TOM1: variants seen among roughly 807,000 people sequenced by gnomAD.
The protein encoded by TOM1 is target of myb1 membrane trafficking protein.
In TOM1, 38 loss-of-function variants were observed where a neutral mutation model predicts 61.3. The observed-to-expected ratio is 0.62, with a 90% CI of 0.48 to 0.81. TOM1 has a LOEUF of 0.81. Among genes scored for constraint, TOM1 ranks in the 40% least tolerant of loss-of-function variants. The pLI is 0.00. For missense variants in TOM1, 591 were observed against 659.6 expected, an observed-to-expected ratio of 0.90 and a Z score of 1.14; for synonymous variants, 270 against 268.8, an observed-to-expected ratio of 1.00 and a Z score of -0.04.
rs765762993 is a variant in TOM1, at chr22:35,338,766, C to T, written c.1202C>T (p.Ala401Val). 15 of 1,601,438 alleles carry T rather than the reference C, an allele frequency of 9.4e-6. No individual in the cohort carries two copies. In the Admixed American group the frequency reaches 1.2e-4, roughly 13 times the overall value. ...ATDGLAGALDARQQSTGAIPV... is the reference protein window; with the variant it reads ...ATDGLAGALDVRQQSTGAIPV... ...GACGGCCTGGCTGGAGCCCTGGACG[C>T]CCGGCAGCAGAGCACTGGCGCGGTA... Residue 401 changes from alanine (A) to valine (V), a missense_variant, in exon 12 of 15, where the codon GCC becomes GTC. Physicochemically the swap from Ala to Val is moderately conservative, Grantham distance 64 (BLOSUM62 0). Coordinates refer to ENST00000449058, the MANE Select transcript of TOM1 (RefSeq NM_005488.3).
chr22:35,321,236 G>A (rs1040282355), intron 2 of TOM1, among the ~76,000 whole-genome samples: 8 of 152,044 alleles, frequency 5.3e-5, no homozygotes, highest in African/African-American at 1.9e-4. Context: ...TTAAACTTGA[G>A]CATGCATAAG....
At chr22:35,315,604 TG>T (rs1326229268) in intron 1 of TOM1, among the ~76,000 whole-genome samples, 2 of 152,176 alleles carry the variant, frequency 1.3e-5, no homozygotes, top group African/African-American at 4.8e-5. Context: ...CCTCCAGGCC[TG>T]ATCTAGGGGT....
chr22:35,347,091 C>A lies in TOM1; in HGVS notation c.1361C>A (p.Ala454Glu). 1.2e-6 allele frequency: 2 copies of A among 1,613,572 alleles called. No homozygotes were observed. Among genetic ancestry groups the A allele is most frequent in the Non-Finnish European group, 1.7e-6 (2 of 1,179,750 alleles). ...DKFLEERAKA[A>E]DRLPNLSSPS... is the part of the protein sequence containing the mutation. ...TTCCTGGAAGAACGGGCCAAAGCCG[C>A]GGACCGATTGCCCAACCTCTCCAGC... The change falls in exon 15 of 15, where the codon GCG becomes GAG. Residue 454 changes from alanine (A) to glutamate (E), a missense_variant. Physicochemically the swap from Ala to Glu is moderately radical, Grantham distance 107. Transcript: ENST00000449058.
At chr22:35,330,583 C>T (rs1400885132) in intron 8 of TOM1, 103 bp downstream of exon 8, 1 of 1,214,286 alleles carries the variant, frequency 8.2e-7, no homozygotes, top group African/African-American at 1.6e-5. Context: ...CTTCTCTCGT[C>T]CTCCTCTCAA....
chr22:35,306,806 G>C (rs1185464523), intron 1 of TOM1, among the ~76,000 whole-genome samples: 2 of 152,220 alleles, frequency 1.3e-5, no homozygotes, highest in African/African-American at 4.8e-5. Flanking sequence ...CTCCAGTGCA[G>C]CCTTTGTGAT....
At chr22:35,342,788 C>T (rs1929980306) in intron 12 of TOM1, among the ~76,000 whole-genome samples, 1 of 149,838 alleles carries the variant, frequency 6.7e-6, no homozygotes, top group South Asian at 2.1e-4. Flanking sequence ...CCACCACACA[C>T]ACCTCCACAC....
intron 12 of TOM1, among the ~76,000 whole-genome samples, chr22:35,342,550 C>G (rs1049483210): frequency 6.6e-6 from 1 of 151,558 alleles, no homozygotes; most frequent in Non-Finnish European, 1.5e-5. Context: ...GAGGCCCAGC[C>G]TCTGGGATCC....
chr22:35,327,137 C>T, intron 6 of TOM1, 134 bp from the exon 7 acceptor site: 1 of 790,266 alleles, frequency 1.3e-6, no homozygotes, highest in Non-Finnish European at 2.2e-6. Flanking sequence ...AGGAGGGAGG[C>T]TGCCTAGAGA....
chr22:35,327,796 G>T (rs941808756), intron 7 of TOM1, among the ~76,000 whole-genome samples: 23 of 152,210 alleles, frequency 1.5e-4, no homozygotes, highest in African/African-American at 5.3e-4. Context: ...CAGCAGGCAG[G>T]TGTGAGAGGG....
intron 1 of TOM1, among the ~76,000 whole-genome samples, chr22:35,308,958 G>A (rs180694031): frequency 1.3e-5 from 2 of 152,116 alleles, no homozygotes; most frequent in Non-Finnish European, 2.9e-5. Context: ...CAAATTAGGA[G>A]ATGGATGGAA....
intron 1 of TOM1, among the ~76,000 whole-genome samples, chr22:35,313,271 C>T (rs1926994025): frequency 1.3e-5 from 2 of 151,716 alleles, no homozygotes; most frequent in African/African-American, 4.8e-5. Flanking sequence ...CGCTTAAACC[C>T]GGGAGGCAGA....
chr22:35,341,719 C>G (rs1319316860), intron 12 of TOM1, among the ~76,000 whole-genome samples: 2 of 152,184 alleles, frequency 1.3e-5, no homozygotes, highest in Non-Finnish European at 2.9e-5. Context: ...CCCAGGTGTC[C>G]TGGCTCCCAC....
At chr22:35,302,963 T>G (rs1925976701) in intron 1 of TOM1, among the ~76,000 whole-genome samples, 1 of 152,170 alleles carries the variant, frequency 6.6e-6, no homozygotes, top group African/African-American at 2.4e-5. Flanking sequence ...CCCTCCTTGC[T>G]GCAGGAGTAC....
chr22:35,312,234 A>G (rs1601671839), intron 1 of TOM1, among the ~76,000 whole-genome samples: 1 of 135,610 alleles, frequency 7.4e-6, no homozygotes, highest in African/African-American at 3.3e-5. Context: ...ACAGAACAAG[A>G]CTCCGTCTCA....
chr22:35,335,143 A>G (rs1414124027), intron 11 of TOM1, among the ~76,000 whole-genome samples: 1 of 152,108 alleles, frequency 6.6e-6, no homozygotes, highest in Non-Finnish European at 1.5e-5. Context: ...TTGTAAGAGG[A>G]ACAGTCTGCT....
At position 35,347,176 on chromosome 22, in the gene TOM1, G is replaced by A; in HGVS notation, c.1446G>A (p.Gln482=). Residue 482 remains glutamine, a synonymous_variant, in exon 15 of 15, where the codon CAG becomes CAA. Coordinates refer to ENST00000449058, the MANE Select transcript of TOM1 (RefSeq NM_005488.3). ...PSGPAPRKKT[Q]EKDDDMLFAL ...GCCCAGCGCCCCGGAAGAAGACCCA[G>A]GAGAAAGATGATGACATGCTGTTTG... 3 of 1,612,668 alleles carry A rather than the reference G, an allele frequency of 1.9e-6. No individual in the cohort carries two copies. The highest frequency in any genetic ancestry group is 2.5e-6 in the Non-Finnish European group (3 of 1,179,420).
rs758797122 is a variant in TOM1, at chr22:35,323,483, T to C, written c.367-13T>C. On this transcript the variant is annotated splice_polypyrimidine_tract_variant and intron_variant, in intron 4 of 14. Coordinates refer to ENST00000449058, the MANE Select transcript of TOM1 (RefSeq NM_005488.3). The surrounding 1 kb of genome is among the most constrained non-coding windows in gnomAD (Gnocchi z 4.2). ...GCTGTGGTTACCGGCTGTGTCCCCT[T>C]GTCCCCTCTCAGTCCTGGGCTGACG... 9.3e-6 allele frequency: 15 copies of C among 1,613,596 alleles called. No individual in the cohort carries two copies. The highest frequency in any genetic ancestry group is 1.3e-5 in the African/African-American group (1 of 74,860).
chr22:35,346,796 G>C (rs1601723776), intron 13 of TOM1, 134 bp from the exon 14 acceptor site: 1 of 797,606 alleles, frequency 1.3e-6, no homozygotes, highest in Non-Finnish European at 2.0e-6. Context: ...GGACCTGGGT[G>C]GTGGGGGCGT....
chr22:35,326,079 G>A (rs1056042065), intron 6 of TOM1, among the ~76,000 whole-genome samples: 1 of 152,166 alleles, frequency 6.6e-6, no homozygotes. Flanking sequence ...TAAAAGCAGG[G>A]ATATTGATGT....
Sources: gnomAD v4.1 joint callset for allele counts (sites outside exome capture counted in the v4.1 genomes callset) on GRCh38, gnomAD v4.1.1 for gene constraint, Gnocchi (gnomAD v3.1) non-coding constraint, MANE v1.5 for transcripts, NCBI Gene and HGNC (gene_info 2026-07-23, HGNC 2026-07-21) for gene names.